Variants in DPP6 observed in about 807,000 individuals in gnomAD.
DPP6 encodes the protein A-type potassium channel modulatory protein DPP6.
Under a neutral mutation model 122.6 loss-of-function variants are expected in DPP6, and 69 were observed. The observed-to-expected ratio is 0.56, with a 90% confidence interval of 0.46 to 0.69. The LOEUF (loss-of-function observed/expected upper bound fraction) is 0.69, where lower values mean the gene tolerates loss of function less well. Among genes scored for constraint, DPP6 ranks in the 30% least tolerant of loss-of-function variants. The pLI is 0.00. For missense variants in DPP6, 928 were observed against 1,116.9 expected (o/e 0.83, Z 2.41); for synonymous variants, 418 against 433.1 (o/e 0.97, Z 0.43).
At chr7:154,575,285 T>C (rs1831503782) in intron 5 of DPP6, among the ~76,000 whole-genome samples, 2 of 118,474 alleles carry the variant, frequency 1.7e-5, no homozygotes, top group Non-Finnish European at 3.5e-5. Context: ...ATGTATGTGG[T>C]GTGTATGTGT....
At chr7:154,160,492 C>T (rs1796925328) in intron 1 of DPP6, among the ~76,000 whole-genome samples, 1 of 152,176 alleles carries the variant, frequency 6.6e-6, no homozygotes, top group Non-Finnish European at 1.5e-5. Context: ...GTGTGGTCTA[C>T]ATTGTATACA....
chr7:154,342,740 A>G (rs1810040558), intron 1 of DPP6, among the ~76,000 whole-genome samples: 1 of 152,158 alleles, frequency 6.6e-6, no homozygotes, highest in African/African-American at 2.4e-5. Context: ...CCATAAATGA[A>G]TTAGATCACT....
chr7:154,245,190 T>G (rs1801893901), intron 1 of DPP6, among the ~76,000 whole-genome samples: 1 of 151,806 alleles, frequency 6.6e-6, no homozygotes, highest in African/African-American at 2.4e-5. Context: ...TGACCTCAAG[T>G]GATCCTCCCG....
intron 1 of DPP6, among the ~76,000 whole-genome samples, chr7:154,190,607 A>G (rs1164287396): frequency 6.6e-6 from 1 of 151,990 alleles, no homozygotes; most frequent in African/African-American, 2.4e-5. Context: ...TTCTTTAAAG[A>G]TTTTTTTCCC....
chr7:154,242,345 T>C (rs1441671916), intron 1 of DPP6, among the ~76,000 whole-genome samples: 1 of 152,002 alleles, frequency 6.6e-6, no homozygotes, highest in East Asian at 1.9e-4. Flanking sequence ...CTTTGTAGAA[T>C]GTAATCTCTG....
At chr7:154,284,163 G>T (rs1346171070) in intron 1 of DPP6, among the ~76,000 whole-genome samples, 1 of 152,116 alleles carries the variant, frequency 6.6e-6, no homozygotes, top group Non-Finnish European at 1.5e-5. Flanking sequence ...TGTCTTCTGG[G>T]TGAGCTCTTG....
chr7:154,319,591 A>G (rs1807742736), intron 1 of DPP6, among the ~76,000 whole-genome samples: 1 of 152,166 alleles, frequency 6.6e-6, no homozygotes, highest in Non-Finnish European at 1.5e-5. Context: ...GCTACTCAGG[A>G]GGCTGACATG....
At chr7:154,437,015 A>G (rs1818930849) in intron 1 of DPP6, among the ~76,000 whole-genome samples, 2 of 152,188 alleles carry the variant, frequency 1.3e-5, no homozygotes, top group African/African-American at 4.8e-5. Context: ...GCTATATGGC[A>G]TTCTGTTACA....
chr7:153,820,612 TG>T, the DPP6 span, among the ~76,000 whole-genome samples: 1 of 152,078 alleles, frequency 6.6e-6, no homozygotes, highest in Non-Finnish European at 1.5e-5. Flanking sequence ...CACATACTTC[TG>T]CCATATTCCA....
rs77558407 is a variant in DPP6, at chr7:154,210,410, G to T, written c.243+157347G>T. ...CTGGGGCCAGGCTGCAGAATTGAGTGCCAGCTTTTCTTCTTACTAACTGGA... is the reference window on the plus strand; with the variant it reads ...CTGGGGCCAGGCTGCAGAATTGAGTTCCAGCTTTTCTTCTTACTAACTGGA... On this transcript the variant is annotated intron_variant, in intron 1 of 25. Coordinates refer to ENST00000377770, the MANE Select transcript of DPP6 (RefSeq NM_130797.4). Among the ~76,000 whole-genome samples the T allele has an allele frequency of 3.5e-3, 531 of 152,286 alleles. 4 individuals are homozygous for T. Among genetic ancestry groups the T allele is most frequent in the African/African-American group, 0.012 (510 of 41,552 alleles).
intron 1 of DPP6, among the ~76,000 whole-genome samples, chr7:154,401,655 C>G (rs1815609567): frequency 6.6e-6 from 1 of 152,120 alleles, no homozygotes; most frequent in Non-Finnish European, 1.5e-5. Context: ...TAGAAGAAAA[C>G]CTAGGCATTA....
At chr7:153,913,873 A>G (rs1417236608) in intron 1 of DPP6, among the ~76,000 whole-genome samples, 1 of 152,158 alleles carries the variant, frequency 6.6e-6, no homozygotes, top group Non-Finnish European at 1.5e-5. Flanking sequence ...TGCAATGCCA[A>G]ACTCTTAACA....
intron 7 of DPP6, among the ~76,000 whole-genome samples, chr7:154,710,706 G>T (rs888623774): frequency 6.6e-6 from 1 of 152,330 alleles, no homozygotes; most frequent in South Asian, 2.1e-4. Flanking sequence ...TAAAAGGTAC[G>T]TCTACAAGGT....
chr7:154,845,282 G>A (rs375723298), intron 16 of DPP6, among the ~76,000 whole-genome samples: 10 of 152,290 alleles, frequency 6.6e-5, no homozygotes, highest in African/African-American at 2.2e-4. Context: ...GTTGGAACAC[G>A]GTCAGAGCAG....
At chr7:154,704,168 T>G (rs937728327) in intron 7 of DPP6, among the ~76,000 whole-genome samples, 2 of 152,136 alleles carry the variant, frequency 1.3e-5, no homozygotes, top group African/African-American at 2.4e-5. Context: ...AAGACTTCAG[T>G]GGGGAAAGTC....
chr7:154,085,004 A>C (rs546681522), intron 1 of DPP6, among the ~76,000 whole-genome samples: 2 of 151,756 alleles, frequency 1.3e-5, no homozygotes, highest in East Asian at 1.9e-4. Flanking sequence ...AAAAAAAAAA[A>C]AAAAAAACAG....
chr7:154,789,672 TGTG>T (rs879690598), intron 10 of DPP6, among the ~76,000 whole-genome samples: 1 of 152,234 alleles, frequency 6.6e-6, no homozygotes, highest in Non-Finnish European at 1.5e-5. Context: ...CCACACTCGA[TGTG>T]GTGTATGGTG....
chr7:153,817,237 A>G, the DPP6 span, among the ~76,000 whole-genome samples: 10 of 148,802 alleles, frequency 6.7e-5, no homozygotes, highest in African/African-American at 2.5e-4. Context: ...AGGGCAAGAA[A>G]GAAGAGTTGG....
intron 5 of DPP6, among the ~76,000 whole-genome samples, chr7:154,622,458 G>T (rs1421017883): frequency 6.6e-6 from 1 of 152,194 alleles, no homozygotes; most frequent in Non-Finnish European, 1.5e-5. Context: ...AGACCTCCTA[G>T]TCTGTACAGG....
Sources: gnomAD v4.1 joint callset for allele counts (sites outside exome capture counted in the v4.1 genomes callset) on GRCh38, gnomAD v4.1.1 for gene constraint, MANE v1.5 for transcripts, NCBI Gene and HGNC (gene_info 2026-07-23, HGNC 2026-07-21) for gene names.